Variants in DHRS7B observed in about 807,000 individuals in gnomAD.
The protein encoded by DHRS7B is dehydrogenase/reductase 7B, also known as peroxisomal reductase activating PPAR-gamma.
Under a neutral mutation model 26.4 loss-of-function variants are expected in DHRS7B, and 24 were observed. The ratio of observed to expected loss-of-function variants is 0.91; its 90% CI spans 0.66 to 1.28. The LOEUF (loss-of-function observed/expected upper bound fraction) is 1.28, where lower values mean the gene tolerates loss of function less well. DHRS7B is among the 50% of genes most tolerant of loss of function. The probability of loss-of-function intolerance (pLI) is 0.00; values close to 1 mark genes in which losing one functional copy is unlikely to be tolerated. For synonymous variants in DHRS7B, 142 were observed against 166.4 expected, an observed-to-expected ratio of 0.85 and a Z score of 1.13; for missense variants, 368 against 419.4, an observed-to-expected ratio of 0.88 and a Z score of 1.07.
At chr17:21,174,219 G>A (rs999406881) in intron 2 of DHRS7B, among the ~76,000 whole-genome samples, 4 of 152,228 alleles carry the variant, frequency 2.6e-5, no homozygotes, top group African/African-American at 9.6e-5. Context: ...TGCCTGCCGT[G>A]TCAGCCACCC....
At chr17:21,181,361 C>G (rs1974511167) in intron 3 of DHRS7B, among the ~76,000 whole-genome samples, 1 of 152,170 alleles carries the variant, frequency 6.6e-6, no homozygotes, top group Non-Finnish European at 1.5e-5. Flanking sequence ...GCCAGGATTA[C>G]AGGAGTGAGC....
chr17:21,188,132 G>A (rs765765429), intron 5 of DHRS7B, among the ~76,000 whole-genome samples: 6 of 152,130 alleles, frequency 3.9e-5, no homozygotes, highest in Non-Finnish European at 8.8e-5. Context: ...TTACAGGTGT[G>A]AGCCACCGCG....
At position 21,126,986 on chromosome 17, in the gene DHRS7B, T is replaced by A. The variant is rs78159258; in HGVS notation, c.15T>A (p.Ala5=). 5,727 of 1,533,002 alleles carry A rather than the reference T, an allele frequency of 3.7e-3. 196 individuals carry two copies. The African/African-American group carries it at 0.068, about 18-fold the overall frequency. The allele number at this position is 1,533,002 out of a possible 1,614,324, so 95.0% of individuals were successfully genotyped here. Residue 5 remains alanine (A), a synonymous_variant, in exon 1 of 7, where the codon GCT becomes GCA. Transcript: ENST00000395511. MVSP[A]TRKSLPKVKA... The stretch of plus-strand genomic sequence containing the variant: ...GTTGATTGACTATGGTCTCTCCGGC[T>A]ACCAGGTAGGGGCTGGGGAAGAAGG...
intron 1 of DHRS7B, chr17:21,128,047 C>T (rs1973139298): frequency 6.6e-6 from 1 of 152,142 alleles, no homozygotes; most frequent in Non-Finnish European, 1.5e-5. Flanking sequence ...TGTAATAACC[C>T]TAATCATAGG....
intron 1 of DHRS7B, among the ~76,000 whole-genome samples, chr17:21,139,900 A>G (rs1485118896): frequency 2.0e-5 from 3 of 151,928 alleles, no homozygotes; most frequent in Admixed American, 1.3e-4. Context: ...GAGCTCTTTT[A>G]TATGTATTTT....
At chr17:21,149,716 C>G (rs1973720077) in intron 1 of DHRS7B, among the ~76,000 whole-genome samples, 2 of 151,994 alleles carry the variant, frequency 1.3e-5, no homozygotes. Context: ...TGACTTATTA[C>G]ATCTGTGAGA....
intron 1 of DHRS7B, among the ~76,000 whole-genome samples, chr17:21,140,022 C>CATTTTTTTTTTTT (rs1973456199): frequency 1.9e-5 from 2 of 106,702 alleles, no homozygotes; most frequent in Non-Finnish European, 3.7e-5. Context: ...CTTTCAGATT[C>CATTTTTTTTTTTT]TTTTTTTTTT....
rs1555536404 is a variant in DHRS7B, at chr17:21,140,535, C to CACACACCCTG, written c.20+13548_20+13549insACCCTGACAC. On this transcript the variant is annotated intron_variant, in intron 1 of 6. Transcript: ENST00000395511. The stretch of plus-strand genomic sequence containing the variant: ...ACACACACACACACACACACACACA[C>CACACACCCTG]ACACCCTGACACCCTATAGCTTTTA... Among the ~76,000 whole-genome samples the CACACACCCTG allele has an allele frequency of 4.7e-5, 7 of 149,770 alleles. No homozygotes were observed. The East Asian group carries it at 8.0e-4, about 17-fold the overall frequency.
intron 1 of DHRS7B, among the ~76,000 whole-genome samples, chr17:21,150,164 G>T (rs1401936090): frequency 1.5e-5 from 2 of 135,780 alleles, no homozygotes; most frequent in African/African-American, 5.8e-5. Context: ...TGGATAAAAA[G>T]TCCTTGGAAA....
In DHRS7B at chr17:21,172,158, T is replaced by G. The variant is rs769081845; in HGVS notation, c.161T>G (p.Val54Gly). The part of the protein sequence containing the change: ...VRGKAYLRNA[V>G]VVITGATSGL... Reference sequence around the variant, plus strand: ...GGGAAGGCCTACCTGCGGAATGCTGTGGTGGTGATCACAGGCGCCACCTCA... The same window carrying G: ...GGGAAGGCCTACCTGCGGAATGCTGGGGTGGTGATCACAGGCGCCACCTCA... The change falls in exon 2 of 7, where the codon GTG becomes GGG. Residue 54 changes from valine (V) to glycine (G), a missense_variant. Transcript: ENST00000395511. The G allele has an allele frequency of 1.2e-6, 2 of 1,613,766 alleles. No individual in the cohort carries two copies. The highest frequency in any genetic ancestry group is 4.5e-5 in the East Asian group (2 of 44,874).
At chr17:21,180,074 T>C (rs999538855) in intron 3 of DHRS7B, among the ~76,000 whole-genome samples, 73 of 46,004 alleles carry the variant, frequency 1.6e-3, no homozygotes, top group African/African-American at 0.01. Context: ...GCCCACTTTC[T>C]TTTTTTTTTT....
intron 1 of DHRS7B, among the ~76,000 whole-genome samples, chr17:21,163,680 C>T (rs1567623754): frequency 6.6e-6 from 1 of 152,084 alleles, no homozygotes; most frequent in Non-Finnish European, 1.5e-5. Context: ...TGGCTTAGTC[C>T]ACACACACAG....
rs371553142 is a variant in DHRS7B, at chr17:21,183,656, A to T, written c.372A>T (p.Ala124=). Reference sequence around the variant, plus strand: ...TCACAGACTCTGGGGCCATAGTTGCAGCAGCAGCTGAGATCCTGCAGTGCT... The same window carrying T: ...TCACAGACTCTGGGGCCATAGTTGCTGCAGCAGCTGAGATCCTGCAGTGCT... ...FDLTDSGAIV[A]AAAEILQCFG... Residue 124 remains alanine (A), a synonymous_variant, in exon 4 of 7, where the codon GCA becomes GCT. Transcript: ENST00000395511. The T allele has an allele frequency of 6.2e-7, 1 of 1,613,982 alleles. No individual in the cohort carries two copies.
intron 1 of DHRS7B, among the ~76,000 whole-genome samples, chr17:21,138,384 C>T (rs986862046): frequency 6.6e-6 from 1 of 150,748 alleles, no homozygotes; most frequent in Admixed American, 6.6e-5. Context: ...CCACCATGCC[C>T]CACTAATTTT....
Position 21,188,727 on chromosome 17 carries a change from C to A in DHRS7B, c.636C>A (p.His212Gln). The A allele has an allele frequency of 6.2e-7, 1 of 1,601,542 alleles. No homozygotes were observed. The highest frequency in any genetic ancestry group is 8.5e-7 in the Non-Finnish European group (1 of 1,173,726). ...CATGTGTAGATGCAGCCTCCAAGCA[C>A]GCAACCCAGGCTTTCTTTGACTGTC... Reference protein sequence around the residue: ...PFRSAYAASKHATQAFFDCLR... With the variant: ...PFRSAYAASKQATQAFFDCLR... The change falls in exon 6 of 7, where the codon CAC (histidine) becomes CAA (glutamine). Residue 212 changes from histidine to glutamine, a missense_variant. By Grantham distance (24) the His-to-Gln change is conservative. Coordinates refer to ENST00000395511, the MANE Select transcript of DHRS7B (RefSeq NM_015510.5).
intron 1 of DHRS7B, among the ~76,000 whole-genome samples, chr17:21,136,985 T>A (rs556213914): frequency 6.6e-6 from 1 of 151,566 alleles, no homozygotes; most frequent in Non-Finnish European, 1.5e-5. Context: ...TTTTTTTTTT[T>A]TGTGAGACAG....
intron 1 of DHRS7B, among the ~76,000 whole-genome samples, chr17:21,170,871 A>G (rs79086800): frequency 7.4e-6 from 1 of 134,988 alleles, no homozygotes; most frequent in Non-Finnish European, 1.6e-5. Flanking sequence ...TTTTTTTTTT[A>G]TATGTGGGCT....
At chr17:21,182,017 C>T (rs1032289476) in intron 3 of DHRS7B, among the ~76,000 whole-genome samples, 2 of 152,198 alleles carry the variant, frequency 1.3e-5, no homozygotes, top group Non-Finnish European at 2.9e-5. Flanking sequence ...TGTTCCTGAT[C>T]TTAGAGGAAG....
At chr17:21,136,195 G>A (rs546409814) in intron 1 of DHRS7B, among the ~76,000 whole-genome samples, 11 of 151,990 alleles carry the variant, frequency 7.2e-5, no homozygotes, top group Non-Finnish European at 1.3e-4. Context: ...TCAGCTACTC[G>A]AGAGGCTGAG....
Sources: allele counts gnomAD v4.1 joint callset (sites outside exome capture counted in the v4.1 genomes callset), GRCh38; gene constraint gnomAD v4.1.1; transcripts MANE v1.5; gene names NCBI Gene and HGNC (gene_info 2026-07-23, HGNC 2026-07-21).